TMTC4: variants seen among roughly 807,000 people sequenced by gnomAD.
TMTC4 encodes the protein protein O-mannosyl-transferase TMTC4.
TMTC4 carries 65 observed loss-of-function variants against 86.0 expected under a neutral mutation model. That is an observed-to-expected ratio of 0.76 (90% CI 0.62 to 0.93). TMTC4 has a LOEUF of 0.93. Ranked by LOEUF, TMTC4 falls within the 40% of genes least tolerant of loss-of-function variation. The pLI is 0.00. For missense variants in TMTC4, 866 were observed against 948.1 expected (o/e 0.91, Z 1.14); for synonymous variants, 379 against 382.5 (o/e 0.99, Z 0.11).
chr13:100,611,566 A>C (rs186064385), intron 17 of TMTC4, among the ~76,000 whole-genome samples: 51 of 152,292 alleles, frequency 3.3e-4, no homozygotes, highest in Non-Finnish European at 6.3e-4. Context: ...GCCTGGGCGA[A>C]AGAGCGAGAC....
chr13:100,639,521 G>T (rs1018776805), intron 7 of TMTC4, among the ~76,000 whole-genome samples: 14 of 152,314 alleles, frequency 9.2e-5, no homozygotes, highest in African/African-American at 3.4e-4. Flanking sequence ...ACACAAGACT[G>T]CCCCCTTCCT....
chr13:100,620,045 C>T (rs1309593563), intron 15 of TMTC4, among the ~76,000 whole-genome samples: 3 of 151,846 alleles, frequency 2.0e-5, no homozygotes, highest in Non-Finnish European at 4.4e-5. Context: ...CATCTTACAG[C>T]ATCTACACGA....
chr13:100,619,648 C>G (rs1879186577), intron 15 of TMTC4, among the ~76,000 whole-genome samples: 1 of 149,214 alleles, frequency 6.7e-6, no homozygotes, highest in South Asian at 2.1e-4. Context: ...TTATGAACAT[C>G]CATTTGCTAA....
intron 6 of TMTC4, among the ~76,000 whole-genome samples, chr13:100,644,598 C>G (rs1883472652): frequency 6.6e-6 from 1 of 152,188 alleles, no homozygotes; most frequent in African/African-American, 2.4e-5. Flanking sequence ...CAGTCTCCAG[C>G]AGCAGCAGAA....
intron 6 of TMTC4, among the ~76,000 whole-genome samples, chr13:100,643,542 T>C (rs534636176): frequency 2.6e-5 from 4 of 152,346 alleles, no homozygotes; most frequent in East Asian, 3.9e-4. Context: ...TATATCTCTA[T>C]GACAACACAT....
At chr13:100,630,027 A>ATGTGTG (rs71121125) in intron 12 of TMTC4, among the ~76,000 whole-genome samples, 2 of 46,106 alleles carry the variant, frequency 4.3e-5, no homozygotes, top group Non-Finnish European at 5.5e-5. Context: ...ATCTGTGTGT[A>ATGTGTG]TGTGTGTGTG....
chr13:100,631,090 C>T (rs936396055), intron 12 of TMTC4, among the ~76,000 whole-genome samples: 2 of 152,200 alleles, frequency 1.3e-5, no homozygotes, highest in Non-Finnish European at 2.9e-5. Flanking sequence ...TTTTGTTTCC[C>T]TGAAATATAA....
At chr13:100,608,137 A>G (rs1208995370) in intron 17 of TMTC4, among the ~76,000 whole-genome samples, 1 of 152,224 alleles carries the variant, frequency 6.6e-6, no homozygotes, top group Non-Finnish European at 1.5e-5. Context: ...TTAGGGATAA[A>G]AAGTTAGGAG....
At chr13:100,667,921 C>T (rs1031080616) in intron 3 of TMTC4, among the ~76,000 whole-genome samples, 1 of 152,154 alleles carries the variant, frequency 6.6e-6, no homozygotes, top group African/African-American at 2.4e-5. Flanking sequence ...GCCCTAACTC[C>T]GGGTAGGGAG....
chr13:100,638,091 C>T, intron 7 of TMTC4, 69 bp from the exon 8 acceptor site: 1 of 1,170,220 alleles, frequency 8.5e-7, no homozygotes, highest in Non-Finnish European at 1.3e-6. Context: ...TTACACTTCA[C>T]AATTTCATTA....
rs1337427062 is a variant in TMTC4 at position 100,663,058 on chromosome 13, T to C, written c.458A>G (p.Gln153Arg). 1.2e-6 allele frequency: 2 copies of C among 1,614,104 alleles called. No homozygotes were observed. The highest frequency in any genetic ancestry group is 1.3e-5 in the African/African-American group (1 of 74,940). ...DVFSVLFGGL[Q>R]YTSKGRRLHL... ...CAGCCTCCGGCCTTTACTGGTGTACTGCAGGCCGCCAAACAGAACCGAGAA... is the reference window on the plus strand; with the variant it reads ...CAGCCTCCGGCCTTTACTGGTGTACCGCAGGCCGCCAAACAGAACCGAGAA... Residue 153 changes from glutamine to arginine, a missense_variant, in exon 5 of 19, where the codon CAG becomes CGG. Physicochemically the swap from Gln to Arg is conservative, Grantham distance 43. Transcript: ENST00000342624.
intron 16 of TMTC4, among the ~76,000 whole-genome samples, chr13:100,613,754 TCCTTCCCTC>T: frequency 6.6e-6 from 1 of 151,326 alleles, no homozygotes; most frequent in South Asian, 2.1e-4. Flanking sequence ...AGAAATTCCT[TCCTTCCCTC>T]CCTTCCCTCC....
intron 6 of TMTC4, among the ~76,000 whole-genome samples, chr13:100,648,658 C>T (rs541660204): frequency 2.0e-5 from 3 of 152,270 alleles, no homozygotes; most frequent in Non-Finnish European, 2.9e-5. Flanking sequence ...CAATCCCTAC[C>T]GGATTAGTCA....
At chr13:100,631,491 A>G (rs1881348645) in intron 12 of TMTC4, among the ~76,000 whole-genome samples, 5 of 152,224 alleles carry the variant, frequency 3.3e-5, no homozygotes, top group Admixed American at 2.6e-4. Context: ...AAAAATGATT[A>G]TAAGTATACT....
intron 17 of TMTC4, among the ~76,000 whole-genome samples, chr13:100,611,743 C>T (rs1477481436): frequency 2.6e-5 from 4 of 152,194 alleles, no homozygotes; most frequent in Non-Finnish European, 5.9e-5. Context: ...TACAACCAGT[C>T]CCCTTCAACA....
chr13:100,609,858 T>C (rs1326397928), intron 17 of TMTC4, among the ~76,000 whole-genome samples: 2 of 152,144 alleles, frequency 1.3e-5, no homozygotes, highest in East Asian at 3.9e-4. Context: ...TGACTGCTGT[T>C]AGGTTTTAAG....
chr13:100,611,334 T>G (rs1036144560), intron 17 of TMTC4, among the ~76,000 whole-genome samples: 2 of 152,018 alleles, frequency 1.3e-5, no homozygotes, highest in Non-Finnish European at 2.9e-5. Context: ...GCCTGTAATC[T>G]CAGCACTTTG....
At chr13:100,652,186 C>CA (rs985994674) in intron 6 of TMTC4, among the ~76,000 whole-genome samples, 1 of 151,094 alleles carries the variant, frequency 6.6e-6, no homozygotes, top group Non-Finnish European at 1.5e-5. Flanking sequence ...AACAAACAAA[C>CA]AAAAAAACCA....
chr13:100,652,370 T>C (rs1054807383), intron 6 of TMTC4, among the ~76,000 whole-genome samples: 3 of 142,246 alleles, frequency 2.1e-5, no homozygotes, highest in Non-Finnish European at 4.6e-5. Context: ...TCCCAGCTAC[T>C]TGGGAGGCTG....
Sources: gnomAD v4.1 joint callset for allele counts (sites outside exome capture counted in the v4.1 genomes callset) on GRCh38, gnomAD v4.1.1 for gene constraint, MANE v1.5 for transcripts, NCBI Gene and HGNC (gene_info 2026-07-23, HGNC 2026-07-21) for gene names.